Variants in LTBR observed in about 807,000 individuals in gnomAD.
LTBR encodes tumor necrosis factor receptor superfamily member 3.
In LTBR, 15 loss-of-function variants were observed where a neutral mutation model predicts 45.4. The ratio of observed to expected loss-of-function variants is 0.33; its 90% CI spans 0.22 to 0.51. LTBR has a LOEUF of 0.51. Among genes scored for constraint, LTBR ranks in the 20% least tolerant of loss-of-function variants. LTBR has a pLI of 0.97. For missense variants in LTBR, 450 were observed against 565.5 expected, an observed-to-expected ratio of 0.80 and a Z score of 2.07; for synonymous variants, 228 against 231.0, an observed-to-expected ratio of 0.99 and a Z score of 0.12.
upstream of LTBR, among the ~76,000 whole-genome samples, chr12:6,380,488 C>G (rs1948972411): frequency 6.6e-6 from 1 of 152,048 alleles, no homozygotes; most frequent in African/African-American, 2.4e-5. Flanking sequence ...TCAAAACCAG[C>G]CTGTGGCCAA....
At chr12:6,387,279 A>T (rs747573750) in intron 6 of LTBR, 3 of 152,230 alleles carry the variant, frequency 2.0e-5, no homozygotes, top group African/African-American at 7.2e-5. Flanking sequence ...TTTTCTATGC[A>T]TGTTTATACA....
rs1949111532 is a variant in LTBR, at chr12:6,391,306, A to G, written c.*369A>G. ...CTGCAAGGACGTCACGGGCCCCTCTAAAGGATTCGTGGTGCTCATCCCCAA... is the reference window on the plus strand; with the variant it reads ...CTGCAAGGACGTCACGGGCCCCTCTGAAGGATTCGTGGTGCTCATCCCCAA... On this transcript the variant is annotated 3_prime_UTR_variant, in exon 10 of 10. Coordinates refer to ENST00000228918, the MANE Select transcript of LTBR (RefSeq NM_002342.3). 1 of 180,708 alleles carries G rather than the reference A, an allele frequency of 5.5e-6. No individual in the cohort carries two copies. The allele number at this position is 180,708 out of a possible 1,614,324, so 11.2% of individuals were successfully genotyped here.
chr12:6,377,118 A>T, intron 1 of LTBR: 2 of 646,408 alleles, frequency 3.1e-6, no homozygotes, highest in Middle Eastern at 3.3e-4. Context: ...TAGCAGGCAA[A>T]GAAGAGAAAA....
At position 6,390,665 on chromosome 12, in the gene LTBR, A is replaced by G; in HGVS notation, c.1036A>G (p.Asn346Asp). The change falls in exon 10 of 10, where the codon AAT (asparagine) becomes GAT (aspartate). Residue 346 changes from asparagine to aspartate, a missense_variant. Asn to Asp is a conservative substitution (Grantham distance 23). Around this residue, in one of 3 missense-constraint regions of LTBR, gnomAD observed 12 missense variants for 39.7 expected, o/e 0.30. Coordinates refer to ENST00000228918, the MANE Select transcript of LTBR (RefSeq NM_002342.3). ...CTCTGCCTCCCTTCCTACAGGTACC[A>G]ATGGCATTCATGTCACCGGCGGGTC... ...GEQSQVAHGT[N>D]GIHVTGGSMT... The G allele has an allele frequency of 6.7e-7, 1 of 1,498,058 alleles. No individual in the cohort carries two copies. Among genetic ancestry groups the G allele is most frequent in the Non-Finnish European group, 8.9e-7 (1 of 1,124,094 alleles). The allele number at this position is 1,498,058 out of a possible 1,614,324, so 92.8% of individuals were successfully genotyped here. A position where few individuals can be genotyped will look rare whatever the true frequency, so the allele number is the denominator to read the frequency against.
chr12:6,386,353 G>C lies in LTBR; in HGVS notation c.576G>C (p.Glu192Asp). The C allele has an allele frequency of 6.2e-7, 1 of 1,613,710 alleles. No individual in the cohort carries two copies. Among genetic ancestry groups the C allele is most frequent in the Non-Finnish European group, 8.5e-7 (1 of 1,179,822 alleles). Reference protein sequence around the residue: ...SARCQPHTRCENQGLVEAAPG... With the variant: ...SARCQPHTRCDNQGLVEAAPG... ...ATCTTTTTTTCCTCTGCAGGTGTGA[G>C]AACCAAGGTCTGGTGGAGGCAGCTC... The change falls in exon 6 of 10, where the codon GAG (glutamate) becomes GAC (aspartate). Residue 192 changes from glutamate (E) to aspartate (D), a missense_variant. By Grantham distance (45) the Glu-to-Asp change is conservative. This residue lies in a region of LTBR where 367 missense variants were observed against 435.4 expected (regional missense o/e 0.84). Transcript: ENST00000228918. This position sits in a 1 kb window ranked among gnomAD's most constrained non-coding sequence, Gnocchi z 4.1.
rs955125931 is a variant in LTBR, at chr12:6,386,738, C to T, written c.667+294C>T. 3.4e-5 allele frequency: 11 copies of T among 321,126 alleles called. No individual in the cohort carries two copies. Among genetic ancestry groups the T allele is most frequent in the East Asian group, 2.3e-4 (4 of 17,698 alleles). 19.9% of individuals were successfully genotyped at this position (321,126 alleles called of 1,614,324 possible). On this transcript the variant is annotated intron_variant, in intron 6 of 9. Coordinates refer to ENST00000228918, the MANE Select transcript of LTBR (RefSeq NM_002342.3). This position sits in a 1 kb window ranked among gnomAD's most constrained non-coding sequence, Gnocchi z 4.1. ...CATCATTTTGGGCTTACCAACATTA[C>T]ACAATCCGTTTTTTTTTTTCACACA...
At chr12:6,385,519 G>A in intron 4 of LTBR, 140 bp downstream of exon 4, 1 of 1,035,158 alleles carries the variant, frequency 9.7e-7, no homozygotes, top group Non-Finnish European at 1.4e-6. Flanking sequence ...TCCATGCAGA[G>A]GCTCACAGAA....
chr12:6,382,454 C>T (rs1413226780), upstream of LTBR, among the ~76,000 whole-genome samples: 2 of 152,192 alleles, frequency 1.3e-5, no homozygotes, highest in Non-Finnish European at 2.9e-5. Flanking sequence ...GAAAAAAGGA[C>T]CTAGGGTCGC....
rs1408453695 is a variant in LTBR at position 6,390,894 on chromosome 12, C to T, written c.1265C>T (p.Pro422Leu). Residue 422 changes from proline to leucine, a missense_variant, in exon 10 of 10, where the codon CCC becomes CTC. Pro to Leu is a moderately conservative substitution (Grantham distance 98, BLOSUM62 -3). This residue lies in a region of LTBR where 71 missense variants were observed against 90.4 expected (regional missense o/e 0.79). Transcript: ENST00000228918. Reference protein sequence around the residue: ...LAETEHCGATPSNRGPRNQFI... With the variant: ...LAETEHCGATLSNRGPRNQFI... ...GAGACAGAGCACTGTGGTGCCACACCCTCTAACAGGGGCCCAAGGAACCAA... is the reference window on the plus strand; with the variant it reads ...GAGACAGAGCACTGTGGTGCCACACTCTCTAACAGGGGCCCAAGGAACCAA... 2 of 1,588,222 alleles carry T rather than the reference C, an allele frequency of 1.3e-6. No homozygotes were observed. Among genetic ancestry groups the T allele is most frequent in the African/African-American group, 1.4e-5 (1 of 73,808 alleles).
chr12:6,377,802 G>A, intron 1 of LTBR: 1 of 525,780 alleles, frequency 1.9e-6, no homozygotes, highest in Non-Finnish European at 3.4e-6. Flanking sequence ...AAGGCAGCAT[G>A]GCAAATAGTT....
rs749630743 is a variant in LTBR, at chr12:6,385,214, G to T, written c.320-13G>T. Reference sequence around the variant, plus strand: ...GCTTGGCCCCTCCCTGAGCCCTCCCGTCTCCCCGCCAGTGATGGGCCTCGA... The same window carrying T: ...GCTTGGCCCCTCCCTGAGCCCTCCCTTCTCCCCGCCAGTGATGGGCCTCGA... On this transcript the variant is annotated splice_polypyrimidine_tract_variant and intron_variant, in intron 3 of 9. Transcript: ENST00000228918. The T allele has an allele frequency of 6.2e-6, 10 of 1,613,968 alleles. No homozygotes were observed. Among genetic ancestry groups the T allele is most frequent in the Non-Finnish European group, 8.5e-6 (10 of 1,179,998 alleles).
chr12:6,383,979 G>A (rs1264609508), upstream of LTBR: 4 of 1,095,714 alleles, frequency 3.7e-6, no homozygotes, highest in Non-Finnish European at 4.4e-6. Flanking sequence ...CCGCTCTCCC[G>A]ATCGGGCTTC....
At chr12:6,375,190 C>T, upstream of LTBR, 4 of 1,451,134 alleles carry the variant, frequency 2.8e-6, no homozygotes, top group Non-Finnish European at 3.6e-6. Context: ...GTCTCAGCTC[C>T]TGCCTCTCAC....
In LTBR at chr12:6,385,313, G is replaced by T; in HGVS notation, c.406G>T (p.Ala136Ser). Residue 136 changes from alanine (A) to serine (S), a missense_variant, in exon 4 of 10, where the codon GCC (alanine) becomes TCC (serine). Physicochemically the swap from Ala to Ser is moderately conservative, Grantham distance 99 (BLOSUM62 1). Coordinates refer to ENST00000228918, the MANE Select transcript of LTBR (RefSeq NM_002342.3). ...CQPGMFCAAW[A>S]LECTHCELLS... ...GCCGGGAATGTTCTGTGCTGCCTGG[G>T]CCCTCGAGTGTACACACTGCGAGCT... 1.2e-6 allele frequency: 2 copies of T among 1,614,088 alleles called. No homozygotes were observed.
upstream of LTBR, among the ~76,000 whole-genome samples, chr12:6,379,683 C>A (rs1470190952): frequency 1.3e-5 from 2 of 152,156 alleles, no homozygotes. Context: ...GTAATCCCAG[C>A]ACTTTGGGAG....
upstream of LTBR, chr12:6,383,980 A>T (rs374164894): frequency 3.6e-6 from 4 of 1,098,980 alleles, no homozygotes; most frequent in Non-Finnish European, 4.4e-6. Context: ...CGCTCTCCCG[A>T]TCGGGCTTCC....
At chr12:6,377,460 A>G (rs1948930519) in intron 1 of LTBR, 5 of 657,118 alleles carry the variant, frequency 7.6e-6, no homozygotes, top group South Asian at 7.4e-5. Context: ...CCTGAGACAG[A>G]CTCATGGGGG....
upstream of LTBR, among the ~76,000 whole-genome samples, chr12:6,381,527 A>C (rs1395004255): frequency 6.6e-6 from 1 of 152,184 alleles, no homozygotes; most frequent in Non-Finnish European, 1.5e-5. Context: ...GGGTGTAGAG[A>C]GTCCATGAGG....
chr12:6,375,409 T>C (rs1269231584), upstream of LTBR: 1 of 1,516,196 alleles, frequency 6.6e-7, no homozygotes, highest in African/African-American at 1.4e-5. Context: ...CCAGGAGGTC[T>C]GGGCTGCCTC....
Sources: gnomAD v4.1 joint callset for allele counts (sites outside exome capture counted in the v4.1 genomes callset) on GRCh38, gnomAD v4.1.1 for gene constraint, gnomAD v4.1.1 regional missense constraint, Gnocchi (gnomAD v3.1) non-coding constraint, MANE v1.5 for transcripts, NCBI Gene and HGNC (gene_info 2026-07-23, HGNC 2026-07-21) for gene names.